The following SLC6A16 variants were observed in gnomAD, a reference collection of about 807,000 sequenced individuals.
SLC6A16 encodes the protein solute carrier family 6 member 16, also known as orphan sodium- and chloride-dependent neurotransmitter transporter NTT5.
Under a neutral mutation model 65.4 loss-of-function variants are expected in SLC6A16, and 54 were observed. That is an observed-to-expected ratio of 0.83 (90% CI 0.66 to 1.04). SLC6A16 has a LOEUF of 1.04. Ranked by LOEUF, SLC6A16 falls within the 50% of genes least tolerant of loss-of-function variation. The pLI is 0.00. For missense variants in SLC6A16, 816 were observed against 914.0 expected, an observed-to-expected ratio of 0.89 and a Z score of 1.38; for synonymous variants, 330 against 346.5, an observed-to-expected ratio of 0.95 and a Z score of 0.53.
the SLC6A16 span, chr19:49,339,732 C>G: frequency 7.1e-7 from 1 of 1,398,904 alleles, no homozygotes; most frequent in Non-Finnish European, 9.2e-7. This position sits in a 1 kb window ranked among gnomAD's most constrained non-coding sequence, Gnocchi z 4.5. Flanking sequence ...ACGTGCCGGG[C>G]GCTGGGGATT....
chr19:49,297,673 A>G (rs1970210457), intron 7 of SLC6A16, among the ~76,000 whole-genome samples: 1 of 152,206 alleles, frequency 6.6e-6, no homozygotes, highest in Non-Finnish European at 1.5e-5. Flanking sequence ...ACAGCCCTAA[A>G]CTGGAAACAA....
chr19:49,320,425 AAAC>A (rs1970691371), intron 1 of SLC6A16, among the ~76,000 whole-genome samples: 4 of 88,158 alleles, frequency 4.5e-5, no homozygotes, highest in African/African-American at 1.4e-4. Flanking sequence ...ACAAACAAAC[AAAC>A]AAAAAAAAAC....
the SLC6A16 span, chr19:49,335,446 CTCTT>C: frequency 2.8e-3 from 2,594 of 913,350 alleles, 43 homozygotes; most frequent in African/African-American, 0.036. The surrounding 1 kb of genome is among the most constrained non-coding windows in gnomAD (Gnocchi z 4.6). Flanking sequence ...CTCTCCGTCT[CTCTT>C]TCTCTCTCAG....
chr19:49,332,699 C>T, the SLC6A16 span, among the ~76,000 whole-genome samples: 2 of 152,288 alleles, frequency 1.3e-5, no homozygotes, highest in South Asian at 2.1e-4. Flanking sequence ...GGGATTAGGA[C>T]ATAGACATAT....
chr19:49,313,625 CAAAAAA>C (rs902187308), intron 1 of SLC6A16, among the ~76,000 whole-genome samples: 9 of 47,386 alleles, frequency 1.9e-4, no homozygotes, highest in African/African-American at 4.4e-4. Context: ...ACTAAAAATG[CAAAAAA>C]AAAAAAAAAA....
chr19:49,304,419 C>A (rs1970343762), intron 7 of SLC6A16, among the ~76,000 whole-genome samples: 1 of 152,188 alleles, frequency 6.6e-6, no homozygotes, highest in Non-Finnish European at 1.5e-5. Context: ...TCTCTGTAGT[C>A]AAGGAAAATT....
the SLC6A16 span, chr19:49,336,606 T>G: frequency 3.3e-6 from 1 of 302,250 alleles, no homozygotes; most frequent in Non-Finnish European, 6.2e-6. Context: ...CTCAGGGAGG[T>G]TTAAGGAGCC....
chr19:49,302,118 T>TA, intron 7 of SLC6A16, among the ~76,000 whole-genome samples: 1 of 152,272 alleles, frequency 6.6e-6, no homozygotes, highest in East Asian at 1.9e-4. Context: ...TGCATGCCCT[T>TA]AGTCAACCCC....
At position 49,293,340 on chromosome 19, in the gene SLC6A16, G is replaced by A. The variant is rs1372344064; in HGVS notation, c.1661C>T (p.Thr554Ile). The A allele has an allele frequency of 2.5e-6, 4 of 1,614,166 alleles. No homozygotes were observed. The highest frequency in any genetic ancestry group is 1.7e-5 in the Admixed American group (1 of 60,026). Residue 554 changes from threonine to isoleucine, a missense_variant, in exon 10 of 12, where the codon ACT (threonine) becomes ATT (isoleucine). Transcript: ENST00000335875. The stretch of plus-strand genomic sequence containing the variant: ...GATGAAGTAGCTGCCTGAAGGTCGA[G>A]TGAAGAAGAGGCCGCACACGAACAT... Reference protein sequence around the residue: ...LLMFVCGLFFTRPSGSYFIRL... With the variant: ...LLMFVCGLFFIRPSGSYFIRL...
At chr19:49,333,085 G>A in the SLC6A16 span, among the ~76,000 whole-genome samples, 5 of 151,494 alleles carry the variant, frequency 3.3e-5, no homozygotes, top group East Asian at 1.9e-4. Flanking sequence ...TTGCTTGAAC[G>A]CAGGAGGCAG....
chr19:49,310,477 A>G lies in SLC6A16; in HGVS notation c.449T>C (p.Phe150Ser), dbSNP rs1175067906. 1.7e-5 allele frequency: 27 copies of G among 1,614,164 alleles called. No individual in the cohort carries two copies. Among genetic ancestry groups the G allele is most frequent in the Non-Finnish European group, 2.3e-5 (27 of 1,180,026 alleles). Residue 150 changes from phenylalanine to serine, a missense_variant, in exon 3 of 12, where the codon TTC (phenylalanine) becomes TCC (serine). Physicochemically the swap from Phe to Ser is radical, Grantham distance 155 (BLOSUM62 -2). Coordinates refer to ENST00000335875, the MANE Select transcript of SLC6A16 (RefSeq NM_014037.3). ...GAAGAGAAGAGGAACCCCGACCAGGAACAGCATGAAGATGTAGATGGCAGC... is the reference window on the plus strand; with the variant it reads ...GAAGAGAAGAGGAACCCCGACCAGGGACAGCATGAAGATGTAGATGGCAGC... Reference protein sequence around the residue: ...SFAAIYIFMLFLVGVPLLFLE... With the variant: ...SFAAIYIFMLSLVGVPLLFLE...
chr19:49,337,741 C>A, the SLC6A16 span: 1 of 1,536,204 alleles, frequency 6.5e-7, no homozygotes. Flanking sequence ...GAGACAGAGA[C>A]TTATGAGCCG....
At chr19:49,330,252 A>G in the SLC6A16 span, among the ~76,000 whole-genome samples, 1 of 152,176 alleles carries the variant, frequency 6.6e-6, no homozygotes, top group Non-Finnish European at 1.5e-5. Context: ...TAAGTTTGAG[A>G]TGTCAATTAT....
In SLC6A16 at chr19:49,292,253, G is replaced by C. The variant is rs573299932; in HGVS notation, c.1778+970C>G. 2.0e-5 allele frequency among the ~76,000 whole-genome samples: 3 copies of C among 152,282 alleles called. No homozygotes were observed. The South Asian group carries it at 6.2e-4, about 32-fold the overall frequency. On this transcript the variant is annotated intron_variant, in intron 10 of 11. Coordinates refer to ENST00000335875, the MANE Select transcript of SLC6A16 (RefSeq NM_014037.3). This position sits in a 1 kb window ranked among gnomAD's most constrained non-coding sequence, Gnocchi z 4.3. ...GTGGTGGTGAATGCCTGTAATCCCA[G>C]CTACTCAGAAGGCTGAGGGAGGAGA...
the SLC6A16 span, chr19:49,335,623 T>C: frequency 6.2e-7 from 1 of 1,613,110 alleles, no homozygotes; most frequent in South Asian, 1.1e-5. The surrounding 1 kb of genome is among the most constrained non-coding windows in gnomAD (Gnocchi z 4.6). Flanking sequence ...AGTTGCCTCA[T>C]GGCTACCCAG....
chr19:49,302,811 A>T (rs74384053), intron 7 of SLC6A16, among the ~76,000 whole-genome samples: 1 of 152,236 alleles, frequency 6.6e-6, no homozygotes, highest in East Asian at 1.9e-4. Context: ...GAACCAAACA[A>T]ACATTTTTGA....
At chr19:49,297,206 C>G (rs1052762092) in intron 7 of SLC6A16, among the ~76,000 whole-genome samples, 6 of 152,094 alleles carry the variant, frequency 3.9e-5, no homozygotes, top group African/African-American at 1.4e-4. Context: ...ATAAAGAATG[C>G]TTACAACTCA....
intron 7 of SLC6A16, among the ~76,000 whole-genome samples, chr19:49,298,167 A>C (rs1970218920): frequency 6.6e-6 from 1 of 152,232 alleles, no homozygotes; most frequent in Admixed American, 6.5e-5. Flanking sequence ...GAAGGTGTAG[A>C]GAAACAATGT....
chr19:49,328,746 A>G (rs1303089179), upstream of SLC6A16, among the ~76,000 whole-genome samples: 1 of 152,216 alleles, frequency 6.6e-6, no homozygotes. Context: ...AACATAAGTA[A>G]TGGTGGGGAA....
Sources: allele counts gnomAD v4.1 joint callset (sites outside exome capture counted in the v4.1 genomes callset), GRCh38; gene constraint gnomAD v4.1.1; non-coding constraint Gnocchi (gnomAD v3.1); transcripts MANE v1.5; gene names NCBI Gene and HGNC (gene_info 2026-07-23, HGNC 2026-07-21).